SPINK5: variants seen among roughly 807,000 people sequenced by gnomAD.
The protein encoded by SPINK5 is serine protease inhibitor Kazal-type 5.
Under a neutral mutation model 151.8 loss-of-function variants are expected in SPINK5, and 125 were observed. The observed-to-expected ratio is 0.82, with a 90% CI of 0.71 to 0.96. The LOEUF (loss-of-function observed/expected upper bound fraction) is 0.96, where lower values mean the gene tolerates loss of function less well. Among genes scored for constraint, SPINK5 ranks in the 40% least tolerant of loss-of-function variants. SPINK5 has a pLI of 0.00. For synonymous variants in SPINK5, 374 were observed against 395.3 expected (o/e 0.95, Z 0.64); for missense variants, 1,194 against 1,291.9 (o/e 0.92, Z 1.16).
Position 148,099,246 on chromosome 5 carries a change from T to G in SPINK5, c.1023T>G (p.Asn341Lys). Residue 341 changes from asparagine to lysine, a missense_variant, in exon 12 of 33, where the codon AAT becomes AAG. By Grantham distance (94) the Asn-to-Lys change is moderately conservative (BLOSUM62 0). Transcript: ENST00000256084. ...CCCTCTTATTCAGCCAAGCAGAAAA[T>G]GAAGAAAAGAAAAAGGCTGAAGCAC... Reference protein sequence around the residue: ...SMCQAYFQAENEEKKKAEARA... With the variant: ...SMCQAYFQAEKEEKKKAEARA... 1 of 1,610,032 alleles carries G rather than the reference T, an allele frequency of 6.2e-7. No homozygotes were observed. Among genetic ancestry groups the G allele is most frequent in the Non-Finnish European group, 8.5e-7 (1 of 1,178,046 alleles).
intron 2 of SPINK5, among the ~76,000 whole-genome samples, chr5:148,069,221 G>T (rs773016756): frequency 2.1e-4 from 32 of 151,814 alleles, no homozygotes; most frequent in Non-Finnish European, 4.7e-4. Flanking sequence ...AATGAGTGAT[G>T]TATAGCAGGA....
chr5:148,105,561 G>A (rs1174945040), intron 16 of SPINK5, among the ~76,000 whole-genome samples: 1 of 151,972 alleles, frequency 6.6e-6, no homozygotes, highest in Non-Finnish European at 1.5e-5. Flanking sequence ...TTATCTGTGT[G>A]GAGATGTTGA....
chr5:148,116,340 G>C lies in SPINK5; in HGVS notation c.2016-30G>C, dbSNP rs762241564. On this transcript the variant is annotated intron_variant, in intron 21 of 32. Transcript: ENST00000256084. ...TGCACACCACTCTCTGTAATCTATT[G>C]TTCCCTACCTCCCACTTTCTAATTT... The C allele has an allele frequency of 4.4e-6, 7 of 1,608,690 alleles. No individual in the cohort carries two copies. The East Asian group carries it at 1.6e-4, about 36-fold the overall frequency.
chr5:148,115,469 A>G (rs1754060974), intron 21 of SPINK5, among the ~76,000 whole-genome samples: 1 of 152,220 alleles, frequency 6.6e-6, no homozygotes, highest in African/African-American at 2.4e-5. Context: ...TACTAAACTT[A>G]AGAATTGCTA....
At chr5:148,128,602 C>A (rs2113226035) in intron 30 of SPINK5, among the ~76,000 whole-genome samples, 1 of 152,238 alleles carries the variant, frequency 6.6e-6, no homozygotes, top group African/African-American at 2.4e-5. Context: ...GATCTCGGCT[C>A]ACTGCAAGCT....
rs1209413467 is a variant in SPINK5 at position 148,131,248 on chromosome 5, T to C, written c.2965-11T>C. 3 of 1,613,614 alleles carry C rather than the reference T, an allele frequency of 1.9e-6. No individual in the cohort carries two copies. In the Admixed American group the frequency reaches 5.0e-5, roughly 27 times the overall value. ...CATAAAGTACGTCTGCTTTATTTTT[T>C]GCTTCTTCAGGATTCTGAGATGTGC... On this transcript the variant is annotated splice_polypyrimidine_tract_variant and intron_variant, in intron 30 of 32. Coordinates refer to ENST00000256084, the MANE Select transcript of SPINK5 (RefSeq NM_006846.4).
chr5:148,077,362 C>T (rs1025691731), intron 4 of SPINK5, among the ~76,000 whole-genome samples: 3 of 151,010 alleles, frequency 2.0e-5, no homozygotes, highest in Middle Eastern at 3.4e-3. Flanking sequence ...AAGCAATATT[C>T]TATATTCTCA....
Position 148,088,559 on chromosome 5 carries a change from T to A in SPINK5, c.428T>A (p.Ile143Asn), listed in dbSNP as rs1340760989. Residue 143 changes from isoleucine to asparagine, a missense_variant, in exon 6 of 33, where the codon ATT becomes AAT. By Grantham distance (149) the Ile-to-Asn change is moderately radical (BLOSUM62 -3). Coordinates refer to ENST00000256084, the MANE Select transcript of SPINK5 (RefSeq NM_006846.4). ...CAENAKTGSQ[I>N]GVKSEGECKS... Reference sequence around the variant, plus strand: ...GATTCTAGGAAAACCGGGTCCCAAATTGGTGTAAAAAGTGAAGGGGAATGT... The same window carrying A: ...GATTCTAGGAAAACCGGGTCCCAAAATGGTGTAAAAAGTGAAGGGGAATGT... 1 of 1,611,678 alleles carries A rather than the reference T, an allele frequency of 6.2e-7. No homozygotes were observed. The highest frequency in any genetic ancestry group is 1.7e-5 in the Admixed American group (1 of 59,774).
intron 17 of SPINK5, among the ~76,000 whole-genome samples, chr5:148,108,252 C>T (rs970035150): frequency 2.0e-5 from 3 of 152,182 alleles, no homozygotes; most frequent in Non-Finnish European, 4.4e-5. Flanking sequence ...ACTTAAATCA[C>T]TACTGCAATC....
chr5:148,089,508 T>C lies in SPINK5; in HGVS notation c.489T>C (p.Ala163=). 6 of 1,611,894 alleles carry C rather than the reference T, an allele frequency of 3.7e-6. No homozygotes were observed. Among genetic ancestry groups the C allele is most frequent in the Non-Finnish European group, 5.1e-6 (6 of 1,178,562 alleles). The change falls in exon 7 of 33, where the codon GCT becomes GCC. Residue 163 remains alanine (A), a synonymous_variant. Coordinates refer to ENST00000256084, the MANE Select transcript of SPINK5 (RefSeq NM_006846.4). ...SSNPEQDVCS[A]FRPFVRDGRL... is the part of the protein sequence containing the mutation. ...CTGTTCTTCAGGATGTATGCAGTGCTTTTCGGCCCTTTGTTAGAGATGGAA... is the reference window on the plus strand; with the variant it reads ...CTGTTCTTCAGGATGTATGCAGTGCCTTTCGGCCCTTTGTTAGAGATGGAA...
intron 6 of SPINK5, chr5:148,089,106 C>T: frequency 2.2e-6 from 1 of 462,784 alleles, no homozygotes; most frequent in Non-Finnish European, 4.3e-6. Context: ...GAATGATTTT[C>T]CTAATTTTCA....
intron 16 of SPINK5, among the ~76,000 whole-genome samples, chr5:148,105,313 C>T (rs1193782343): frequency 1.3e-5 from 2 of 152,076 alleles, no homozygotes; most frequent in African/African-American, 4.8e-5. Flanking sequence ...TTACTAATTT[C>T]AATTTACATT....
intron 16 of SPINK5, among the ~76,000 whole-genome samples, chr5:148,106,633 A>G (rs1753788890): frequency 6.6e-6 from 1 of 152,100 alleles, no homozygotes; most frequent in African/African-American, 2.4e-5. Context: ...CCATACTTGG[A>G]CAAAATATAT....
chr5:148,123,391 T>G (rs1002845614), intron 26 of SPINK5, among the ~76,000 whole-genome samples: 4 of 108,712 alleles, frequency 3.7e-5, no homozygotes, highest in South Asian at 5.6e-4. Context: ...AGATTATATA[T>G]ATATATAGAT....
intron 4 of SPINK5, among the ~76,000 whole-genome samples, chr5:148,081,992 T>C (rs1354905386): frequency 6.6e-6 from 1 of 151,744 alleles, no homozygotes; most frequent in Non-Finnish European, 1.5e-5. Context: ...AGTTATCTTA[T>C]ACTTTTTCAT....
At chr5:148,077,952 A>C (rs540682631) in intron 4 of SPINK5, among the ~76,000 whole-genome samples, 1 of 151,284 alleles carries the variant, frequency 6.6e-6, no homozygotes, top group South Asian at 2.1e-4. Context: ...AGAAATGTAA[A>C]TACAACCATA....
chr5:148,126,446 A>G (rs4705226), intron 29 of SPINK5, among the ~76,000 whole-genome samples: 6,035 of 152,282 alleles, frequency 0.04, 185 homozygotes, highest in East Asian at 0.14. Flanking sequence ...GTTCTAGAAA[A>G]TCAAAACTTC....
At position 148,094,497 on chromosome 5, in the gene SPINK5, GT is replaced by G. The variant is rs1561684738; in HGVS notation, c.794+22del. On this transcript the variant is annotated intron_variant, in intron 9 of 32. Transcript: ENST00000256084. ...CTGAAATTTTGTGAGTATAGAAGTG[GT>G]TTTTTCAGAGTGATTCAAAGGGTGG... The G allele has an allele frequency of 6.2e-7, 1 of 1,611,960 alleles. No homozygotes were observed. Among genetic ancestry groups the G allele is most frequent in the South Asian group, 1.1e-5 (1 of 91,062 alleles).
chr5:148,094,718 A>G (rs1312014587), intron 9 of SPINK5, among the ~76,000 whole-genome samples: 1 of 151,906 alleles, frequency 6.6e-6, no homozygotes, highest in Admixed American at 6.6e-5. Flanking sequence ...AGCATAGCAC[A>G]CTTCTTAACA....
Sources: allele counts gnomAD v4.1 joint callset (sites outside exome capture counted in the v4.1 genomes callset), GRCh38; gene constraint gnomAD v4.1.1; transcripts MANE v1.5; gene names NCBI Gene and HGNC (gene_info 2026-07-23, HGNC 2026-07-21).